Variants in ZNF792 observed in about 807,000 individuals in gnomAD.
ZNF792 encodes zinc finger protein 792.
A neutral mutation model predicts 13.1 loss-of-function variants in ZNF792; 14 were observed. The ratio of observed to expected loss-of-function variants is 1.07; its 90% CI spans 0.71 to 1.67. The LOEUF (loss-of-function observed/expected upper bound fraction) is 1.67, where lower values mean the gene tolerates loss of function less well. ZNF792 is among the 40% of genes most tolerant of loss of function. The pLI is 0.00. For missense variants in ZNF792, 740 were observed against 807.9 expected (o/e 0.92, Z 1.02); for synonymous variants, 257 against 292.0 (o/e 0.88, Z 1.22).
chr19:34,960,377 G>C lies in ZNF792; in HGVS notation c.161-20C>G. ...TAAGTCCTAAGGGAAAGACAGAGTG[G>C]GTCAGTGGCCAGCACCTGCCCAGTT... On this transcript the variant is annotated intron_variant, in intron 2 of 3. Transcript: ENST00000404801. The C allele has an allele frequency of 3.7e-6, 6 of 1,609,810 alleles. No homozygotes were observed. The highest frequency in any genetic ancestry group is 1.1e-5 in the South Asian group (1 of 90,678).
intron 1 of ZNF792, 21 bp from the exon 2 acceptor site, chr19:34,961,015 C>T (rs1218441237): frequency 3.7e-6 from 6 of 1,604,298 alleles, no homozygotes; most frequent in Middle Eastern, 1.7e-4. Flanking sequence ...GGGGACAGTT[C>T]GTTCCATGAT....
At position 34,956,696 on chromosome 19, in the gene ZNF792, T is replaced by C. The variant is rs1003976506; in HGVS notation, c.*1260A>G. On this transcript the variant is annotated 3_prime_UTR_variant, in exon 4 of 4. Coordinates refer to ENST00000404801, the MANE Select transcript of ZNF792 (RefSeq NM_175872.5). ...AACCCTATATTGACTCTGTCATCTC[T>C]TTCTTCTTGCCTTGGGAGCAAAGAA... 6.6e-6 allele frequency: 1 copy of C among 152,234 alleles called. No homozygotes were observed. The highest frequency in any genetic ancestry group is 1.5e-5 in the Non-Finnish European group (1 of 68,032). 9.4% of individuals were successfully genotyped at this position (152,234 alleles called of 1,614,324 possible).
In ZNF792 at chr19:34,961,010, C is replaced by T. The variant is rs766549715; in HGVS notation, c.34-16G>A. ...TCACGCAGCCCTGCCATGATGGGGA[C>T]AGTTCGTTCCATGATCAGTCTCTGT... On this transcript the variant is annotated splice_polypyrimidine_tract_variant and intron_variant, in intron 1 of 3. Coordinates refer to ENST00000404801, the MANE Select transcript of ZNF792 (RefSeq NM_175872.5). The T allele has an allele frequency of 1.2e-6, 2 of 1,605,676 alleles. No homozygotes were observed. The highest frequency in any genetic ancestry group is 1.7e-6 in the Non-Finnish European group (2 of 1,174,770).
chr19:34,963,406 C>G (rs1404060610), intron 1 of ZNF792, among the ~76,000 whole-genome samples: 1 of 152,126 alleles, frequency 6.6e-6, no homozygotes, highest in East Asian at 1.9e-4. Context: ...AAAGCCCTTT[C>G]TCCCTCCATC....
At position 34,957,906 on chromosome 19, in the gene ZNF792, G is replaced by C; in HGVS notation, c.*50C>G. ...TGAAAAAACGCTGATAAACTCTACAGTAAGAGAATGTAACTTGTCTCCAGA... is the reference window on the plus strand; with the variant it reads ...TGAAAAAACGCTGATAAACTCTACACTAAGAGAATGTAACTTGTCTCCAGA... On this transcript the variant is annotated 3_prime_UTR_variant, in exon 4 of 4. Transcript: ENST00000404801. 4.6e-6 allele frequency: 7 copies of C among 1,520,956 alleles called. No individual in the cohort carries two copies. The highest frequency in any genetic ancestry group is 6.2e-6 in the Non-Finnish European group (7 of 1,133,534). The allele number at this position is 1,520,956 out of a possible 1,614,324, so 94.2% of individuals were successfully genotyped here.
chr19:34,958,530 A>G lies in ZNF792; in HGVS notation c.1325T>C (p.Ile442Thr). The change falls in exon 4 of 4, where the codon ATA (isoleucine) becomes ACA (threonine). Residue 442 changes from isoleucine to threonine, a missense_variant. By Grantham distance (89) the Ile-to-Thr change is moderately conservative. Transcript: ENST00000404801. The part of the protein sequence containing the change: ...SHIASLIQHQ[I>T]VHTGERPHGC... Reference sequence around the variant, plus strand: ...GTGAGGCCGCTCGCCAGTGTGAACTATCTGATGTTGAATGAGGCTGGCAAT... The same window carrying G: ...GTGAGGCCGCTCGCCAGTGTGAACTGTCTGATGTTGAATGAGGCTGGCAAT... 6.3e-7 allele frequency: 1 copy of G among 1,594,620 alleles called. No homozygotes were observed. The highest frequency in any genetic ancestry group is 8.5e-7 in the Non-Finnish European group (1 of 1,169,820).
At position 34,956,686 on chromosome 19, in the gene ZNF792, C is replaced by G. The variant is rs1005815626; in HGVS notation, c.*1270G>C. The G allele has an allele frequency of 2.6e-5, 4 of 152,234 alleles. No homozygotes were observed. Among genetic ancestry groups the G allele is most frequent in the Non-Finnish European group, 1.5e-5 (1 of 68,046 alleles). 9.4% of individuals were successfully genotyped at this position (152,234 alleles called of 1,614,324 possible). ...CCGATTTGGCAACCCTATATTGACT[C>G]TGTCATCTCTTTCTTCTTGCCTTGG... On this transcript the variant is annotated 3_prime_UTR_variant, in exon 4 of 4. Coordinates refer to ENST00000404801, the MANE Select transcript of ZNF792 (RefSeq NM_175872.5).
intron 1 of ZNF792, among the ~76,000 whole-genome samples, chr19:34,961,642 C>T (rs372000170): frequency 2.0e-5 from 3 of 152,262 alleles, no homozygotes; most frequent in South Asian, 2.1e-4. Context: ...AAGCCACCCA[C>T]GGCACACATG....
intron 2 of ZNF792, 35 bp from the exon 3 acceptor site, chr19:34,960,392 C>A: frequency 1.2e-6 from 2 of 1,605,314 alleles, no homozygotes; most frequent in Non-Finnish European, 1.7e-6. Flanking sequence ...GTGGCCAGCA[C>A]CTGCCCAGTT....
chr19:34,964,034 G>C lies in ZNF792; in HGVS notation c.-372C>G, dbSNP rs1341458938. The C allele has an allele frequency of 4.1e-6, 1 of 246,536 alleles. No individual in the cohort carries two copies. The allele number at this position is 246,536 out of a possible 1,614,324, so 15.3% of individuals were successfully genotyped here. A position where few individuals can be genotyped will look rare whatever the true frequency, so the allele number is the denominator to read the frequency against. On this transcript the variant is annotated 5_prime_UTR_variant, in exon 1 of 4. Coordinates refer to ENST00000404801, the MANE Select transcript of ZNF792 (RefSeq NM_175872.5). ...CCAACTCGGGGTCCCCAGCTCCTGG[G>C]GACTCAGCCTCCCCGCCGGGAAATG...
intron 2 of ZNF792, 117 bp downstream of exon 2, chr19:34,960,751 A>G: frequency 4.0e-6 from 6 of 1,497,126 alleles, no homozygotes; most frequent in Non-Finnish European, 5.5e-6. Context: ...CATACCAGGA[A>G]AGTGGGGATG....
rs769372148 is a variant in ZNF792 at position 34,963,612 on chromosome 19, T to G, written c.33+18A>C. 8 of 1,600,138 alleles carry G rather than the reference T, an allele frequency of 5.0e-6. No homozygotes were observed. The Admixed American group carries it at 5.2e-5, about 10-fold the overall frequency. On this transcript the variant is annotated intron_variant, in intron 1 of 3. Transcript: ENST00000404801. ...CGTGGGGGGCCGACAGCGAAGGGCCTAACGTCCAAGCACTCACCTGCGCGG... is the reference window on the plus strand; with the variant it reads ...CGTGGGGGGCCGACAGCGAAGGGCCGAACGTCCAAGCACTCACCTGCGCGG...
intron 1 of ZNF792, among the ~76,000 whole-genome samples, chr19:34,962,782 TC>T (rs2013547095): frequency 6.6e-6 from 1 of 152,112 alleles, no homozygotes; most frequent in Non-Finnish European, 1.5e-5. Flanking sequence ...AACTGTGTGT[TC>T]AGCGGCCCAC....
intron 2 of ZNF792, chr19:34,960,645 G>A (rs777458427): frequency 6.8e-5 from 50 of 735,356 alleles, no homozygotes; most frequent in Middle Eastern, 7.8e-4. Flanking sequence ...CCTCATGCCT[G>A]GAGCTTCCCT....
In ZNF792 at chr19:34,957,955, C is replaced by G. The variant is rs1015532958; in HGVS notation, c.*1G>C. On this transcript the variant is annotated 3_prime_UTR_variant, in exon 4 of 4. Transcript: ENST00000404801. The stretch of plus-strand genomic sequence containing the variant: ...GAAAGCTTCCAACACAGCTAGCATT[C>G]CTAGGGAACCTCCCCAGGGTGGGTA... 3 of 1,588,068 alleles carry G rather than the reference C, an allele frequency of 1.9e-6. No homozygotes were observed. The East Asian group carries it at 6.7e-5, about 36-fold the overall frequency.
rs1337624848 is a variant in ZNF792, at chr19:34,959,315, C to T, written c.540G>A (p.Val180=). The T allele has an allele frequency of 1.9e-6, 3 of 1,614,042 alleles. No individual in the cohort carries two copies. Among genetic ancestry groups the T allele is most frequent in the Admixed American group, 1.7e-5 (1 of 60,024 alleles). Residue 180 remains valine (V), a synonymous_variant, in exon 4 of 4, where the codon GTG becomes GTA. Transcript: ENST00000404801. ...TGATAGGGTTGTGTACGTTCTGCTG[C>T]ACCTGTTTCCGGGGAAGGTTTGCAC... ...EFSANLPRKQ[V]QQNVHNPIRT...
Position 34,963,678 on chromosome 19 carries a change from G to A in ZNF792, c.-16C>T. ...CCGCTGCCATCGGAGTCTGTGGTCA[G>A]AGCAGGGCCCCACGGTGCGGGAAAC... On this transcript the variant is annotated 5_prime_UTR_variant, in exon 1 of 4. Transcript: ENST00000404801. The A allele has an allele frequency of 1.1e-5, 18 of 1,590,548 alleles. No homozygotes were observed. Among genetic ancestry groups the A allele is most frequent in the Non-Finnish European group, 1.5e-5 (18 of 1,170,904 alleles).
At chr19:34,961,533 A>G (rs542300041) in intron 1 of ZNF792, among the ~76,000 whole-genome samples, 1 of 152,160 alleles carries the variant, frequency 6.6e-6, no homozygotes, top group East Asian at 1.9e-4. Flanking sequence ...CAGACCTTTG[A>G]TGGCCTCCAC....
In ZNF792 at chr19:34,957,906, G is replaced by A. The variant is rs201244217; in HGVS notation, c.*50C>T. 5 of 1,520,956 alleles carry A rather than the reference G, an allele frequency of 3.3e-6. No individual in the cohort carries two copies. The highest frequency in any genetic ancestry group is 1.4e-5 in the African/African-American group (1 of 72,196). 94.2% of individuals were successfully genotyped at this position (1,520,956 alleles called of 1,614,324 possible). On this transcript the variant is annotated 3_prime_UTR_variant, in exon 4 of 4. Transcript: ENST00000404801. ...TGAAAAAACGCTGATAAACTCTACA[G>A]TAAGAGAATGTAACTTGTCTCCAGA...
Sources: gnomAD v4.1 joint callset for allele counts (sites outside exome capture counted in the v4.1 genomes callset) on GRCh38, gnomAD v4.1.1 for gene constraint, MANE v1.5 for transcripts, NCBI Gene and HGNC (gene_info 2026-07-23, HGNC 2026-07-21) for gene names.